Variants in ARL10 observed in about 807,000 individuals in gnomAD.
ARL10 encodes the protein ARF like GTPase 10, also known as ADP-ribosylation factor-like protein 10.
Under a neutral mutation model 26.1 loss-of-function variants are expected in ARL10, and 23 were observed. The ratio of observed to expected loss-of-function variants is 0.88; its 90% CI spans 0.63 to 1.25. ARL10 has a LOEUF of 1.25. Among genes scored for constraint, ARL10 ranks in the 50% most tolerant of loss-of-function variants. The pLI is 0.00. For missense variants in ARL10, 300 were observed against 323.6 expected (o/e 0.93, Z 0.56); for synonymous variants, 138 against 149.1 (o/e 0.93, Z 0.54).
intron 3 of ARL10, among the ~76,000 whole-genome samples, chr5:176,370,423 C>G (rs1768496376): frequency 6.6e-6 from 1 of 152,176 alleles, no homozygotes; most frequent in South Asian, 2.1e-4. Context: ...TTCCTGTGGC[C>G]TAAACTCAGG....
chr5:176,401,710 C>T (rs1295260665), intron 1 of ARL10: 1 of 456,176 alleles, frequency 2.2e-6, no homozygotes, highest in Non-Finnish European at 4.4e-6. Context: ...TTTCACAAAA[C>T]CTCCTTTGCT....
rs1768427364 is a variant in ARL10 at position 176,368,880 on chromosome 5, G to A, written c.459G>A (p.Val153=). The change falls in exon 3 of 4, where the codon GTG becomes GTA. Residue 153 remains valine, a synonymous_variant. Transcript: ENST00000310389. This position sits in a 1 kb window ranked among gnomAD's most constrained non-coding sequence, Gnocchi z 4.1. ...AGGTGGATGTGCTGGTGTTTGTGGT[G>A]GACTCGGCTGACCGACTGCGGCTGC... ...VSEVDVLVFV[V]DSADRLRLPW... 2 of 1,614,192 alleles carry A rather than the reference G, an allele frequency of 1.2e-6. No homozygotes were observed. Among genetic ancestry groups the A allele is most frequent in the Non-Finnish European group, 1.7e-6 (2 of 1,180,022 alleles).
downstream of ARL10, chr5:176,388,922 T>A: frequency 1.2e-6 from 2 of 1,613,918 alleles, no homozygotes; most frequent in Non-Finnish European, 1.7e-6. Flanking sequence ...TCCAGAGAGT[T>A]TCAAGGAAAA....
At chr5:176,408,066 G>A in the ARL10 span, among the ~76,000 whole-genome samples, 1 of 152,140 alleles carries the variant, frequency 6.6e-6, no homozygotes, top group Non-Finnish European at 1.5e-5. Flanking sequence ...AGCCCCACCA[G>A]GCATCTGGCT....
chr5:176,385,888 T>C (rs1223837780), downstream of ARL10: 1 of 152,612 alleles, frequency 6.6e-6, no homozygotes, highest in Non-Finnish European at 1.5e-5. Context: ...GACAGGCAAA[T>C]CCTACTCCAT....
At chr5:176,401,019 G>A (rs1043618797) in intron 1 of ARL10, among the ~76,000 whole-genome samples, 3 of 152,172 alleles carry the variant, frequency 2.0e-5, no homozygotes, top group Admixed American at 6.5e-5. Context: ...TGGGATCATC[G>A]GGGCAGCTGG....
intron 1 of ARL10, among the ~76,000 whole-genome samples, chr5:176,398,242 G>A (rs568130332): frequency 4.3e-4 from 65 of 152,260 alleles, no homozygotes; most frequent in African/African-American, 1.4e-3. Flanking sequence ...GTGTGACTGC[G>A]GGCAAGTTAC....
At position 176,365,487 on chromosome 5, in the gene ARL10, A is replaced by G. The variant is rs1768246117; in HGVS notation, c.-77A>G. 1 of 1,090,310 alleles carries G rather than the reference A, an allele frequency of 9.2e-7. No homozygotes were observed. Among genetic ancestry groups the G allele is most frequent in the Non-Finnish European group, 1.2e-6 (1 of 865,914 alleles). 67.5% of individuals were successfully genotyped at this position (1,090,310 alleles called of 1,614,324 possible). A position where few individuals can be genotyped will look rare whatever the true frequency, so the allele number is the denominator to read the frequency against. ...CTGGGTGGGTGGGCGCGGCCGCAGC[A>G]GTCGCAGCGGGGCCATCTTCGGCGG... On this transcript the variant is annotated 5_prime_UTR_variant, in exon 1 of 4. Coordinates refer to ENST00000310389, the MANE Select transcript of ARL10 (RefSeq NM_173664.6).
downstream of ARL10, chr5:176,389,598 G>T: frequency 7.7e-7 from 1 of 1,291,144 alleles, no homozygotes; most frequent in East Asian, 2.4e-5. Flanking sequence ...TCCTTTGAGA[G>T]GCCCATGTGT....
chr5:176,368,764 G>A lies in ARL10; in HGVS notation c.386-43G>A, dbSNP rs369791654. 4.0e-5 allele frequency: 63 copies of A among 1,560,892 alleles called. No homozygotes were observed. The highest frequency in any genetic ancestry group is 3.7e-4 in the African/African-American group (27 of 73,760). Reference sequence around the variant, plus strand: ...GGGGTGGGGGCTGTGGGCAGTGAGCGGGGGCCCGGGAGGCTCTGAGCTGGC... The same window carrying A: ...GGGGTGGGGGCTGTGGGCAGTGAGCAGGGGCCCGGGAGGCTCTGAGCTGGC... On this transcript the variant is annotated intron_variant, in intron 2 of 3. Coordinates refer to ENST00000310389, the MANE Select transcript of ARL10 (RefSeq NM_173664.6). This position sits in a 1 kb window ranked among gnomAD's most constrained non-coding sequence, Gnocchi z 4.1.
chr5:176,400,867 G>A (rs752801526), intron 1 of ARL10, among the ~76,000 whole-genome samples: 1 of 152,178 alleles, frequency 6.6e-6, no homozygotes, highest in Non-Finnish European at 1.5e-5. Context: ...AAGACCCCTG[G>A]AGCCAGCAGG....
exon 2 of ARL10, chr5:176,388,621 TGCACAAGGCTTTGCGG>T: frequency 7.1e-7 from 1 of 1,407,704 alleles, no homozygotes; most frequent in Non-Finnish European, 9.9e-7. Context: ...CCGGAAGGCG[TGCACAAGGCTTTGCGG>T]GCATTTGGGG....
At position 176,366,535 on chromosome 5, in the gene ARL10, C is replaced by T; in HGVS notation, c.339C>T (p.Asn113=). 3.7e-6 allele frequency: 6 copies of T among 1,614,150 alleles called. No individual in the cohort carries two copies. The highest frequency in any genetic ancestry group is 1.1e-5 in the South Asian group (1 of 91,090). Reference sequence around the variant, plus strand: ...GCCACATCCCCACCTGGGGCTTCAACTCCGTGCGTCTGCCCACCAAGGACT... The same window carrying T: ...GCCACATCCCCACCTGGGGCTTCAATTCCGTGCGTCTGCCCACCAAGGACT... The part of the protein sequence containing the change: ...LEGHIPTWGF[N]SVRLPTKDFE... Residue 113 remains asparagine (N), a synonymous_variant, in exon 2 of 4, where the codon AAC becomes AAT. Coordinates refer to ENST00000310389, the MANE Select transcript of ARL10 (RefSeq NM_173664.6).
chr5:176,388,966 A>T, downstream of ARL10: 1 of 1,614,066 alleles, frequency 6.2e-7, no homozygotes, highest in Non-Finnish European at 8.5e-7. Flanking sequence ...ACCCGGTGGT[A>T]CCCATAGGTA....
chr5:176,387,759 G>A (rs912921611), intron 1 of ARL10, among the ~76,000 whole-genome samples: 2 of 152,174 alleles, frequency 1.3e-5, no homozygotes, highest in East Asian at 1.9e-4. Context: ...AAAATCAGCC[G>A]GGTATGGTGG....
At chr5:176,397,262 C>G (rs762353072) in intron 1 of ARL10, among the ~76,000 whole-genome samples, 4 of 152,060 alleles carry the variant, frequency 2.6e-5, no homozygotes, top group Non-Finnish European at 5.9e-5. Flanking sequence ...GACAGAGCCT[C>G]AAAGGCAGGG....
downstream of ARL10, chr5:176,389,015 A>T (rs749217772): frequency 2.5e-6 from 4 of 1,608,270 alleles, no homozygotes; most frequent in East Asian, 8.9e-5. Context: ...GAGGACAGTG[A>T]TGTCGGAGGG....
Position 176,376,492 on chromosome 5 carries a change from A to G in ARL10, c.*4597A>G, listed in dbSNP as rs996436227. 2.6e-5 allele frequency: 4 copies of G among 152,246 alleles called. No homozygotes were observed. The highest frequency in any genetic ancestry group is 5.9e-5 in the Non-Finnish European group (4 of 68,048). The allele number at this position is 152,246 out of a possible 1,614,324, so 9.4% of individuals were successfully genotyped here. ...ATTTGAGCGTTAAGTCACAAACCCA[A>G]CAGGAACTCCAGTTTCTTGCTAGAG... is the stretch of plus-strand genomic sequence containing the variant. On this transcript the variant is annotated 3_prime_UTR_variant, in exon 4 of 4. Coordinates refer to ENST00000310389, the MANE Select transcript of ARL10 (RefSeq NM_173664.6).
the ARL10 span, among the ~76,000 whole-genome samples, chr5:176,409,050 C>A: frequency 6.6e-6 from 1 of 152,244 alleles, no homozygotes; most frequent in East Asian, 1.9e-4. Flanking sequence ...GATCTCGGCT[C>A]ACCGCAACCT....
Sources: allele counts gnomAD v4.1 joint callset (sites outside exome capture counted in the v4.1 genomes callset), GRCh38; gene constraint gnomAD v4.1.1; non-coding constraint Gnocchi (gnomAD v3.1); transcripts MANE v1.5; gene names NCBI Gene and HGNC (gene_info 2026-07-23, HGNC 2026-07-21).